Variants in CTNNA2 observed in about 807,000 individuals in gnomAD.
CTNNA2 encodes the protein catenin alpha 2, also known as catenin alpha-2.
In CTNNA2, 42 loss-of-function variants were observed where a neutral mutation model predicts 101.0. The ratio of observed to expected loss-of-function variants is 0.42; its 90% confidence interval spans 0.32 to 0.54. CTNNA2 has a LOEUF of 0.54. Among genes scored for constraint, CTNNA2 ranks in the 20% least tolerant of loss-of-function variants. CTNNA2 has a pLI of 0.14. For missense variants in CTNNA2, 871 were observed against 1,223.1 expected (o/e 0.71, Z 4.29); for synonymous variants, 450 against 456.4 (o/e 0.99, Z 0.18).
chr2:80,425,772 A>T (rs1001268826), intron 9 of CTNNA2, among the ~76,000 whole-genome samples: 6 of 152,070 alleles, frequency 3.9e-5, no homozygotes, highest in African/African-American at 1.4e-4. Flanking sequence ...AATAGAGTCT[A>T]TGAAGTGATT....
intron 2 of CTNNA2, among the ~76,000 whole-genome samples, chr2:79,713,572 G>C (rs1243298674): frequency 6.6e-6 from 1 of 152,178 alleles, no homozygotes; most frequent in Non-Finnish European, 1.5e-5. Context: ...CTCCAGTACT[G>C]GTTCTGCTGC....
At chr2:80,475,696 A>G (rs1316524751) in intron 9 of CTNNA2, among the ~76,000 whole-genome samples, 1 of 152,172 alleles carries the variant, frequency 6.6e-6, no homozygotes, top group Non-Finnish European at 1.5e-5. Context: ...TGCCTTAATC[A>G]TAAAATAATG....
chr2:80,320,036 G>A (rs757980401), intron 7 of CTNNA2, among the ~76,000 whole-genome samples: 3 of 152,200 alleles, frequency 2.0e-5, no homozygotes, highest in Non-Finnish European at 4.4e-5. Flanking sequence ...GACATTTGGC[G>A]ATTGCCTTCA....
intron 1 of CTNNA2, among the ~76,000 whole-genome samples, chr2:79,563,984 T>A (rs1474844190): frequency 1.3e-5 from 2 of 152,114 alleles, no homozygotes; most frequent in Non-Finnish European, 2.9e-5. Flanking sequence ...GATGCATTAC[T>A]GGAGCCTGGT....
Position 80,022,403 on chromosome 2 carries a change from G to T in CTNNA2, c.1056+112606G>T, listed in dbSNP as rs537665742. On this transcript the variant is annotated intron_variant, in intron 7 of 18. Transcript: ENST00000402739. ...AGCAAGTATTGTGAAGGAAATTAAA[G>T]GGTGATTATTTAAACACAAACAAGG... 1.1e-3 allele frequency among the ~76,000 whole-genome samples: 169 copies of T among 152,232 alleles called. 2 individuals carry two copies. Among genetic ancestry groups the T allele is most frequent in the South Asian group, 9.5e-3 (46 of 4,820 alleles).
rs113910616 is a variant in CTNNA2, at chr2:79,912,021, C to T, written c.1056+2224C>T. On this transcript the variant is annotated intron_variant, in intron 7 of 18. Transcript: ENST00000402739. Reference sequence around the variant, plus strand: ...AACAGCAAACAGTAAATCAGTCTATCGTTCCTGGGCTGTTATCTTTCTCTT... The same window carrying T: ...AACAGCAAACAGTAAATCAGTCTATTGTTCCTGGGCTGTTATCTTTCTCTT... Among the ~76,000 whole-genome samples the T allele has an allele frequency of 2.6e-3, 402 of 152,302 alleles. 2 individuals carry two copies. The highest frequency in any genetic ancestry group is 9.3e-3 in the African/African-American group (387 of 41,562).
chr2:79,600,711 G>A (rs1677498698), intron 1 of CTNNA2, among the ~76,000 whole-genome samples: 1 of 152,162 alleles, frequency 6.6e-6, no homozygotes, highest in Admixed American at 6.5e-5. Flanking sequence ...ACCATAGACT[G>A]GGAAGCTTAA....
chr2:79,667,753 C>G (rs1440797935), intron 2 of CTNNA2, among the ~76,000 whole-genome samples: 2 of 152,116 alleles, frequency 1.3e-5, no homozygotes, highest in African/African-American at 4.8e-5. Context: ...ATAATCAATC[C>G]TAGCATACTG....
At chr2:79,497,684 C>G (rs1018571467) in intron 4 of CTNNA2, among the ~76,000 whole-genome samples, 2 of 152,154 alleles carry the variant, frequency 1.3e-5, no homozygotes, top group African/African-American at 4.8e-5. Flanking sequence ...TCATGGTACT[C>G]AGGTAGTCCA....
intron 2 of CTNNA2, among the ~76,000 whole-genome samples, chr2:79,220,549 G>A (rs1261955741): frequency 6.6e-6 from 1 of 152,028 alleles, no homozygotes; most frequent in African/African-American, 2.4e-5. Context: ...GGTGGCCCAA[G>A]TGAGAAGGGC....
intron 4 of CTNNA2, among the ~76,000 whole-genome samples, chr2:79,864,012 A>T (rs1036392570): frequency 1.7e-4 from 26 of 152,188 alleles, no homozygotes; most frequent in Non-Finnish European, 1.9e-4. Flanking sequence ...AGCACACCAG[A>T]ACCAGGAACC....
intron 7 of CTNNA2, among the ~76,000 whole-genome samples, chr2:80,188,021 C>G (rs1706244676): frequency 6.6e-6 from 1 of 151,818 alleles, no homozygotes; most frequent in Non-Finnish European, 1.5e-5. Flanking sequence ...AAGTTTGTAC[C>G]TGCCTGTGTG....
intron 4 of CTNNA2, among the ~76,000 whole-genome samples, chr2:79,470,172 T>G (rs1670982607): frequency 6.6e-6 from 1 of 152,074 alleles, no homozygotes; most frequent in Non-Finnish European, 1.5e-5. Context: ...CACATCAGAT[T>G]ATTTAGGAGG....
rs140832616 is a variant in CTNNA2 at position 80,011,366 on chromosome 2, T to A, written c.1056+101569T>A. ...AATATGACAGAAAATAAAGAGTTGCTCTAGTTGAAGTTGGAGGCTTGGCCC... is the reference window on the plus strand; with the variant it reads ...AATATGACAGAAAATAAAGAGTTGCACTAGTTGAAGTTGGAGGCTTGGCCC... On this transcript the variant is annotated intron_variant, in intron 7 of 18. Coordinates refer to ENST00000402739, the MANE Select transcript of CTNNA2 (RefSeq NM_001282597.3). 8.9e-4 allele frequency among the ~76,000 whole-genome samples: 136 copies of A among 152,222 alleles called. 3 individuals carry two copies. The East Asian group carries it at 0.025, about 28-fold the overall frequency.
At chr2:80,334,322 C>T (rs1337727660) in intron 7 of CTNNA2, among the ~76,000 whole-genome samples, 1 of 152,114 alleles carries the variant, frequency 6.6e-6, no homozygotes, top group African/African-American at 2.4e-5. Context: ...TGAAAATATC[C>T]CAAATCTGGG....
chr2:80,549,554 C>T (rs948368265), intron 11 of CTNNA2, among the ~76,000 whole-genome samples: 2 of 152,072 alleles, frequency 1.3e-5, no homozygotes, highest in African/African-American at 4.8e-5. Context: ...TGTTTCATGA[C>T]ATGTTTAAAT....
At chr2:80,154,588 T>A (rs1242363185) in intron 7 of CTNNA2, among the ~76,000 whole-genome samples, 2 of 152,180 alleles carry the variant, frequency 1.3e-5, no homozygotes, top group Admixed American at 1.3e-4. Context: ...TCATAAAGTG[T>A]TCTAGGCCTG....
chr2:79,714,982 G>A (rs1348535610), intron 2 of CTNNA2, among the ~76,000 whole-genome samples: 2 of 150,216 alleles, frequency 1.3e-5, no homozygotes, highest in Non-Finnish European at 3.0e-5. Flanking sequence ...CCTGAGGTCA[G>A]GAGTTTGAAA....
intron 7 of CTNNA2, among the ~76,000 whole-genome samples, chr2:80,051,616 A>C (rs977980068): frequency 3.9e-5 from 6 of 152,160 alleles, no homozygotes; most frequent in African/African-American, 1.4e-4. Flanking sequence ...CAATTTGAAA[A>C]ACAGCAACAA....
Sources: allele counts gnomAD v4.1 joint callset (sites outside exome capture counted in the v4.1 genomes callset), GRCh38; gene constraint gnomAD v4.1.1; transcripts MANE v1.5; gene names NCBI Gene and HGNC (gene_info 2026-07-23, HGNC 2026-07-21).